The following SRGAP2B variants were observed in gnomAD, a reference collection of about 807,000 sequenced individuals.
SRGAP2B encodes SLIT-ROBO Rho GTPase activating protein 2B, also known as SLIT-ROBO Rho GTPase-activating protein 2B.
Under a neutral mutation model 22.2 loss-of-function variants are expected in SRGAP2B, and 9 were observed. That is an observed-to-expected ratio of 0.41 (90% CI 0.24 to 0.71). SRGAP2B has a LOEUF of 0.71. Ranked by LOEUF, SRGAP2B falls within the 30% of genes least tolerant of loss-of-function variation. The probability of loss-of-function intolerance (pLI) is 0.35; values close to 1 mark genes in which losing one functional copy is unlikely to be tolerated. For synonymous variants in SRGAP2B, 36 were observed against 87.4 expected (o/e 0.41, Z 3.28); for missense variants, 114 against 235.8 (o/e 0.48, Z 3.38).
intron 3 of SRGAP2B, among the ~76,000 whole-genome samples, chr1:144,988,999 CTTTTTTT>C (rs3062880): frequency 1.8e-4 from 10 of 55,108 alleles, no homozygotes; most frequent in Admixed American, 2.6e-4. Context: ...ACTCCCCCCA[CTTTTTTT>C]TTTTTTTTTT....
intron 2 of SRGAP2B, among the ~76,000 whole-genome samples, chr1:145,068,929 G>C (rs1651821566): frequency 6.8e-6 from 1 of 148,136 alleles, no homozygotes; most frequent in African/African-American, 2.5e-5. Flanking sequence ...GTGTGTGTGT[G>C]TGTGTGTGTG....
chr1:145,009,176 CAAAAA>C (rs375032281), intron 2 of SRGAP2B, among the ~76,000 whole-genome samples: 1 of 59,464 alleles, frequency 1.7e-5, no homozygotes, highest in Non-Finnish European at 3.9e-5. Flanking sequence ...GACTCCGTCT[CAAAAA>C]AAAAAAAAAA....
In SRGAP2B at chr1:145,003,911, A is replaced by C. The variant is rs1553620562; in HGVS notation, c.68-8711T>G. On this transcript the variant is annotated intron_variant, in intron 2 of 9. Transcript: ENST00000612199. ...GATTCCAAACCATCCTTCCCTTCAC[A>C]GTAGTCAGCAAACTGGAGCCATAAG... 2.0e-5 allele frequency among the ~76,000 whole-genome samples: 3 copies of C among 150,656 alleles called. No homozygotes were observed. The East Asian group carries it at 5.8e-4, about 29-fold the overall frequency.
chr1:144,978,646 C>CA (rs1210923188), intron 3 of SRGAP2B, among the ~76,000 whole-genome samples: 8 of 149,210 alleles, frequency 5.4e-5, no homozygotes, highest in Admixed American at 1.3e-4. Context: ...GACTCCATCT[C>CA]AAAAAACAAA....
chr1:145,063,611 A>G (rs1391023497), intron 2 of SRGAP2B, among the ~76,000 whole-genome samples: 1 of 151,012 alleles, frequency 6.6e-6, no homozygotes, highest in Non-Finnish European at 1.5e-5. Context: ...TACAAGGGGA[A>G]AAACACAGGA....
intron 5 of SRGAP2B, among the ~76,000 whole-genome samples, chr1:144,910,467 T>C (rs1433469624): frequency 1.3e-5 from 2 of 148,814 alleles, no homozygotes; most frequent in African/African-American, 5.1e-5. Flanking sequence ...AGGGAACAGG[T>C]GCTAAATACC....
intron 2 of SRGAP2B, among the ~76,000 whole-genome samples, chr1:145,081,293 G>A (rs1166777550): frequency 6.7e-6 from 1 of 149,524 alleles, no homozygotes; most frequent in African/African-American, 2.5e-5. Flanking sequence ...AAACAGAGCT[G>A]AGACATAAGA....
At chr1:144,933,622 C>T (rs1175721147) in intron 4 of SRGAP2B, among the ~76,000 whole-genome samples, 2 of 125,278 alleles carry the variant, frequency 1.6e-5, no homozygotes, top group Admixed American at 1.7e-4. Context: ...AGCTCCCTCA[C>T]AAAGCTATAG....
chr1:144,930,917 T>A (rs1183964123), intron 4 of SRGAP2B, among the ~76,000 whole-genome samples: 21 of 148,828 alleles, frequency 1.4e-4, no homozygotes, highest in Non-Finnish European at 2.7e-4. Context: ...TCTTCCATCG[T>A]TCCCTAGTGC....
intron 2 of SRGAP2B, among the ~76,000 whole-genome samples, chr1:144,998,810 C>T (rs1391551817): frequency 1.3e-5 from 2 of 150,932 alleles, no homozygotes; most frequent in Admixed American, 1.3e-4. Context: ...AAATGTGCTG[C>T]CTTAGGCGCT....
chr1:145,073,227 A>T (rs1392824148), intron 2 of SRGAP2B, among the ~76,000 whole-genome samples: 5 of 149,718 alleles, frequency 3.3e-5, no homozygotes, highest in Admixed American at 1.3e-4. Flanking sequence ...TCTATTTCAC[A>T]GTTTCTCTGC....
At chr1:144,956,044 T>C (rs1388626080) in intron 3 of SRGAP2B, among the ~76,000 whole-genome samples, 6 of 149,020 alleles carry the variant, frequency 4.0e-5, no homozygotes, top group Admixed American at 6.7e-5. Context: ...CGCCAGGGAC[T>C]AGAACAACAG....
At chr1:145,022,499 G>T (rs1287701570) in intron 2 of SRGAP2B, among the ~76,000 whole-genome samples, 88 of 135,922 alleles carry the variant, frequency 6.5e-4, no homozygotes, top group African/African-American at 2.3e-3. Flanking sequence ...CTTACCTCCT[G>T]CCATCTGCAA....
At chr1:144,931,926 G>T in intron 4 of SRGAP2B, among the ~76,000 whole-genome samples, 1 of 146,134 alleles carries the variant, frequency 6.8e-6, no homozygotes, top group South Asian at 2.2e-4. Context: ...TCTCATTCTT[G>T]CCCTACAGAG....
intron 5 of SRGAP2B, 23 bp from the exon 6 acceptor site, chr1:144,906,097 A>G: frequency 1.5e-6 from 1 of 667,502 alleles, no homozygotes; most frequent in Non-Finnish European, 2.7e-6. Flanking sequence ...GCCCACCCCC[A>G]CCCCCAGAGG....
rs9439321 is a variant in SRGAP2B, at chr1:144,944,852, C to T, written c.423+10587G>A. Among the ~76,000 whole-genome samples, 104 of 147,552 alleles carry T rather than the reference C, an allele frequency of 7.0e-4. 2 individuals are homozygous for T. The highest frequency in any genetic ancestry group is 6.0e-3 in the South Asian group (28 of 4,680). On this transcript the variant is annotated intron_variant, in intron 4 of 9. Transcript: ENST00000612199. The stretch of plus-strand genomic sequence containing the variant: ...TCAGCCTCCTGCAAACTCCACCTTC[C>T]GGGTTCAAGTGATTCTCCTGCCTCG...
intron 3 of SRGAP2B, among the ~76,000 whole-genome samples, chr1:144,958,795 G>A (rs11808763): frequency 0.011 from 1,510 of 133,724 alleles, 47 homozygotes; most frequent in African/African-American, 0.043. Flanking sequence ...CTTTTAAACT[G>A]TGTTCTGAGA....
At chr1:144,987,009 A>G (rs1166321344) in intron 3 of SRGAP2B, among the ~76,000 whole-genome samples, 2 of 150,778 alleles carry the variant, frequency 1.3e-5, no homozygotes, top group Non-Finnish European at 2.9e-5. Flanking sequence ...TCTCAACTGT[A>G]TTAAGCTTAA....
chr1:144,997,337 G>A lies in SRGAP2B; in HGVS notation c.68-2137C>T, dbSNP rs1398330417. 5.3e-5 allele frequency among the ~76,000 whole-genome samples: 8 copies of A among 150,898 alleles called. 1 individual carries two copies. Among genetic ancestry groups the A allele is most frequent in the Non-Finnish European group, 8.8e-5 (6 of 67,984 alleles). On this transcript the variant is annotated intron_variant, in intron 2 of 9. Coordinates refer to ENST00000612199, the Ensembl canonical transcript of SRGAP2B. ...TCCCAGCTACTGGGGAGGCTGAGGT[G>A]CGAGAATGGCGTGAACCCGGGAGGT...
Sources: allele counts gnomAD v4.1 joint callset (sites outside exome capture counted in the v4.1 genomes callset), GRCh38; gene constraint gnomAD v4.1.1; transcripts MANE v1.5; gene names NCBI Gene and HGNC (gene_info 2026-07-23, HGNC 2026-07-21).